The following GRIP1 variants were observed in gnomAD, a reference collection of about 807,000 sequenced individuals.
GRIP1 encodes glutamate receptor interacting protein 1.
A neutral mutation model predicts 129.9 loss-of-function variants in GRIP1; 45 were observed. The observed-to-expected ratio is 0.35, with a 90% CI of 0.27 to 0.44. The LOEUF is 0.44. Ranked by LOEUF, GRIP1 falls within the 20% of genes least tolerant of loss-of-function variation. The probability of loss-of-function intolerance (pLI) is 1.00; values close to 1 mark genes in which losing one functional copy is unlikely to be tolerated. For synonymous variants in GRIP1, 530 were observed against 520.8 expected (o/e 1.02, Z -0.24); for missense variants, 1,196 against 1,396.8 (o/e 0.86, Z 2.29).
intron 1 of GRIP1, among the ~76,000 whole-genome samples, chr12:67,006,289 G>A (rs925629696): frequency 6.6e-6 from 1 of 152,168 alleles, no homozygotes; most frequent in Non-Finnish European, 1.5e-5. Context: ...GCCAGGCGAG[G>A]CATGGTAGCT....
chr12:66,861,141 C>G (rs2040104835), intron 1 of GRIP1, among the ~76,000 whole-genome samples: 1 of 152,072 alleles, frequency 6.6e-6, no homozygotes, highest in African/African-American at 2.4e-5. Flanking sequence ...TATACCTCTT[C>G]TAGAGGGTAA....
intron 4 of GRIP1, among the ~76,000 whole-genome samples, chr12:66,537,690 T>C (rs111616083): frequency 7.9e-5 from 12 of 152,290 alleles, no homozygotes; most frequent in South Asian, 4.1e-4. Context: ...CTTACAAACA[T>C]GTTGAATTAA....
chr12:66,482,516 C>T (rs1216757037), intron 7 of GRIP1, among the ~76,000 whole-genome samples: 2 of 152,184 alleles, frequency 1.3e-5, no homozygotes, highest in East Asian at 3.8e-4. Context: ...GATCATTAGC[C>T]TTTTCTGGCA....
chr12:66,946,803 T>TGG (rs1160685222), intron 1 of GRIP1, among the ~76,000 whole-genome samples: 1 of 6,240 alleles, frequency 1.6e-4, no homozygotes, highest in African/African-American at 6.6e-4. Flanking sequence ...GTGTGGGGGC[T>TGG]GGGGGGGGCG....
At chr12:66,929,792 A>G (rs1028180391) in intron 1 of GRIP1, among the ~76,000 whole-genome samples, 10 of 152,196 alleles carry the variant, frequency 6.6e-5, no homozygotes, top group African/African-American at 2.4e-4. Flanking sequence ...ACATCCTGAC[A>G]TAGGTGGACC....
chr12:66,635,315 G>A (rs749343916), intron 1 of GRIP1, among the ~76,000 whole-genome samples: 11 of 151,710 alleles, frequency 7.3e-5, no homozygotes, highest in Non-Finnish European at 1.5e-4. Context: ...GCTACTTGCA[G>A]GGGGTGGCTG....
At chr12:66,585,838 T>C (rs1387863597) in intron 2 of GRIP1, among the ~76,000 whole-genome samples, 1 of 151,984 alleles carries the variant, frequency 6.6e-6, no homozygotes, top group African/African-American at 2.4e-5. Flanking sequence ...TTGATTTGCA[T>C]TTCTCTGATG....
intron 1 of GRIP1, among the ~76,000 whole-genome samples, chr12:66,985,728 C>T (rs2042301986): frequency 6.6e-6 from 1 of 152,148 alleles, no homozygotes; most frequent in Non-Finnish European, 1.5e-5. Flanking sequence ...TTCAGTAACA[C>T]CTACTACCTC....
chr12:66,753,192 T>C (rs1477994312), intron 1 of GRIP1, among the ~76,000 whole-genome samples: 1 of 152,188 alleles, frequency 6.6e-6, no homozygotes, highest in Non-Finnish European at 1.5e-5. Flanking sequence ...ATAATCTCAC[T>C]AGAGCAAAAT....
At chr12:66,824,659 C>T (rs1379901690) in intron 1 of GRIP1, among the ~76,000 whole-genome samples, 1 of 152,078 alleles carries the variant, frequency 6.6e-6, no homozygotes, top group East Asian at 1.9e-4. Context: ...CACAGGGAAA[C>T]TCATGATTCA....
intron 1 of GRIP1, among the ~76,000 whole-genome samples, chr12:66,735,484 A>G (rs1417121076): frequency 2.0e-5 from 3 of 152,230 alleles, no homozygotes; most frequent in Non-Finnish European, 4.4e-5. Flanking sequence ...GAGCATAACA[A>G]TCTCACAGTC....
intron 1 of GRIP1, among the ~76,000 whole-genome samples, chr12:66,618,483 A>C (rs752302939): frequency 3.9e-5 from 6 of 152,100 alleles, no homozygotes; most frequent in Non-Finnish European, 5.9e-5. Flanking sequence ...TGAGCTTTGA[A>C]TCATAAGGCT....
intron 1 of GRIP1, among the ~76,000 whole-genome samples, chr12:66,965,759 T>C (rs891943511): frequency 6.6e-6 from 1 of 152,148 alleles, no homozygotes; most frequent in African/African-American, 2.4e-5. Flanking sequence ...ACAGCTGTCA[T>C]GGCAACATTC....
In GRIP1 at chr12:66,649,519, T is replaced by C. The variant is rs79242486; in HGVS notation, c.55+29331A>G. 7.7e-3 allele frequency among the ~76,000 whole-genome samples: 1,178 copies of C among 152,326 alleles called. 15 individuals carry two copies. The highest frequency in any genetic ancestry group is 0.027 in the African/African-American group (1,135 of 41,570). On this transcript the variant is annotated intron_variant, in intron 1 of 24. Transcript: ENST00000359742. ...AACCATGCTGAGCACCGTATAGGGA[T>C]ACAAAGATGGGCTAGGCATTATTTC...
At chr12:66,807,673 C>T (rs1333250258), upstream of GRIP1, among the ~76,000 whole-genome samples, 3 of 152,076 alleles carry the variant, frequency 2.0e-5, 1 homozygote, top group Middle Eastern at 0.01. Context: ...AAAAGTGTGG[C>T]ACCTTCCCCC....
intron 1 of GRIP1, among the ~76,000 whole-genome samples, chr12:66,845,506 T>G (rs1690996119): frequency 6.6e-6 from 1 of 152,134 alleles, no homozygotes; most frequent in Non-Finnish European, 1.5e-5. Flanking sequence ...TGATAATACA[T>G]GCTTTCTGGT....
In GRIP1 at chr12:66,458,677, G is replaced by A. The variant is rs564987194; in HGVS notation, c.1043-2335C>T. On this transcript the variant is annotated intron_variant, in intron 9 of 24. Transcript: ENST00000359742. ...TGGGATTACAGGCATGAGCCACTGC[G>A]CCGGGCCTGAATAGCTAACTATTAC... Among the ~76,000 whole-genome samples, 16 of 152,308 alleles carry A rather than the reference G, an allele frequency of 1.1e-4. 1 individual carries two copies. The East Asian group carries it at 2.3e-3, about 22-fold the overall frequency.
intron 1 of GRIP1, among the ~76,000 whole-genome samples, chr12:66,677,690 G>C (rs1049565262): frequency 1.3e-5 from 2 of 152,118 alleles, no homozygotes; most frequent in African/African-American, 2.4e-5. Context: ...AATGCATTCG[G>C]TAAGTTGGTC....
At chr12:66,854,427 G>T (rs2039967987) in intron 1 of GRIP1, among the ~76,000 whole-genome samples, 1 of 151,972 alleles carries the variant, frequency 6.6e-6, no homozygotes, top group African/African-American at 2.4e-5. Flanking sequence ...GCTTCTGAAG[G>T]ATTTTCAGTG....
Sources: gnomAD v4.1 joint callset for allele counts (sites outside exome capture counted in the v4.1 genomes callset) on GRCh38, gnomAD v4.1.1 for gene constraint, MANE v1.5 for transcripts, NCBI Gene and HGNC (gene_info 2026-07-23, HGNC 2026-07-21) for gene names.